The following BBS4 variants were observed in gnomAD, a reference collection of about 807,000 sequenced individuals.
BBS4 encodes the protein BBSome complex member BBS4.
BBS4 carries 58 observed loss-of-function variants against 71.4 expected under a neutral mutation model. The observed-to-expected ratio is 0.81, with a 90% CI of 0.66 to 1.01. The LOEUF (loss-of-function observed/expected upper bound fraction) is 1.01, where lower values mean the gene tolerates loss of function less well. BBS4 is among the 50% of genes least tolerant of loss of function. The pLI is 0.00. For synonymous variants in BBS4, 228 were observed against 216.8 expected, an observed-to-expected ratio of 1.05 and a Z score of -0.46; for missense variants, 660 against 607.9, an observed-to-expected ratio of 1.09 and a Z score of -0.90.
intron 4 of BBS4, 95 bp downstream of exon 4, chr15:72,712,402 A>G (rs747032542): frequency 5.2e-6 from 6 of 1,147,566 alleles, no homozygotes; most frequent in Non-Finnish European, 7.8e-6. Flanking sequence ...GTTCAAGTAC[A>G]GTCATGCACC....
At chr15:72,692,120 A>G (rs2064995327) in intron 1 of BBS4, among the ~76,000 whole-genome samples, 5 of 152,028 alleles carry the variant, frequency 3.3e-5, no homozygotes, top group Non-Finnish European at 5.9e-5. Context: ...CCTGAGCATT[A>G]TTATGTAGGT....
chr15:72,703,645 A>ATT (rs2065214735), intron 2 of BBS4, among the ~76,000 whole-genome samples: 1 of 152,206 alleles, frequency 6.6e-6, no homozygotes, highest in Non-Finnish European at 1.5e-5. Flanking sequence ...TAGGCCCCAT[A>ATT]GAAGGCTGGT....
At position 72,735,080 on chromosome 15, in the gene BBS4, A is replaced by T. The variant is rs192361223; in HGVS notation, c.1037-33A>T. 7.1e-5 allele frequency: 110 copies of T among 1,545,852 alleles called. No individual in the cohort carries two copies. The highest frequency in any genetic ancestry group is 3.5e-4 in the Middle Eastern group (2 of 5,758). On this transcript the variant is annotated intron_variant, in intron 12 of 15. Transcript: ENST00000268057. ...AATACTCCTTTTGTCTTCTAAGCTG[A>T]GCTCTCCAGCTGCAGTGCTTTCTTT...
At chr15:72,732,228 G>T (rs2065839188) in intron 12 of BBS4, among the ~76,000 whole-genome samples, 1 of 152,108 alleles carries the variant, frequency 6.6e-6, no homozygotes, top group Non-Finnish European at 1.5e-5. Context: ...TATCAATATT[G>T]TTGTTACTAT....
chr15:72,723,596 T>A (rs1296113956), intron 7 of BBS4, among the ~76,000 whole-genome samples: 1 of 152,226 alleles, frequency 6.6e-6, no homozygotes, highest in Non-Finnish European at 1.5e-5. Context: ...CAATGTTTAG[T>A]TTGTGTCAAT....
chr15:72,696,396 C>T (rs2065077132), intron 2 of BBS4, among the ~76,000 whole-genome samples: 2 of 151,982 alleles, frequency 1.3e-5, no homozygotes, highest in African/African-American at 2.4e-5. Flanking sequence ...TTTTTTAGTA[C>T]AAATTCTGAG....
intron 4 of BBS4, among the ~76,000 whole-genome samples, chr15:72,713,197 C>T (rs1567413472): frequency 6.6e-6 from 1 of 151,922 alleles, no homozygotes; most frequent in East Asian, 1.9e-4. Context: ...TACTTTTAAA[C>T]TTTTTTGTTA....
intron 2 of BBS4, among the ~76,000 whole-genome samples, chr15:72,697,699 T>C (rs1437530423): frequency 1.3e-5 from 2 of 152,198 alleles, no homozygotes; most frequent in Admixed American, 6.5e-5. Flanking sequence ...CAAGTAGCAA[T>C]TGGAGGCATT....
At chr15:72,735,044 G>A (rs762664304) in intron 12 of BBS4, 69 bp from the exon 13 acceptor site, 3 of 1,144,372 alleles carry the variant, frequency 2.6e-6, no homozygotes, top group Non-Finnish European at 4.0e-6. Flanking sequence ...TTTACTTTGG[G>A]GGTAGTCTTT....
Position 72,716,800 on chromosome 15 carries a change from G to A in BBS4, c.355G>A (p.Ala119Thr). The A allele has an allele frequency of 6.2e-7, 1 of 1,609,892 alleles. No homozygotes were observed. Among genetic ancestry groups the A allele is most frequent in the Non-Finnish European group, 8.5e-7 (1 of 1,178,170 alleles). Residue 119 changes from alanine (A) to threonine (T), a missense_variant, in exon 6 of 16, where the codon GCT becomes ACT. Transcript: ENST00000268057. ...CAGATTTCTTTTGGGAAAACATAAA[G>A]CTGCCATTGAAGTATATAATGAAGC... ...RSLFLLGKHK[A>T]AIEVYNEAAK...
chr15:72,722,771 T>C, intron 6 of BBS4, 23 bp from the exon 7 acceptor site: 1 of 1,612,074 alleles, frequency 6.2e-7, no homozygotes, highest in Non-Finnish European at 8.5e-7. Flanking sequence ...CTGAGTTGTT[T>C]TCCTTCTTTT....
At chr15:72,713,431 G>A (rs569137710) in intron 4 of BBS4, among the ~76,000 whole-genome samples, 18 of 152,000 alleles carry the variant, frequency 1.2e-4, no homozygotes, top group Admixed American at 3.3e-4. Context: ...CTTATGGAAG[G>A]TCTTCAGTGG....
At chr15:72,702,418 A>C (rs1425729912) in intron 2 of BBS4, among the ~76,000 whole-genome samples, 1 of 152,158 alleles carries the variant, frequency 6.6e-6, no homozygotes, top group African/African-American at 2.4e-5. Flanking sequence ...ATTCAGTGGA[A>C]TAATAAGAGA....
chr15:72,722,272 C>T (rs979209616), intron 6 of BBS4, among the ~76,000 whole-genome samples: 6 of 152,202 alleles, frequency 3.9e-5, no homozygotes, highest in Non-Finnish European at 8.8e-5. Context: ...CTCCAGGTGG[C>T]GCTGTCAGTC....
intron 6 of BBS4, among the ~76,000 whole-genome samples, chr15:72,717,860 GC>G (rs199870233): frequency 1.0e-4 from 1 of 10,044 alleles, no homozygotes; most frequent in Admixed American, 2.6e-3. Context: ...TGTGTGTGGT[GC>G]GGGGGGGTAC....
At chr15:72,725,659 T>C (rs915760146) in intron 8 of BBS4, among the ~76,000 whole-genome samples, 1 of 151,190 alleles carries the variant, frequency 6.6e-6, no homozygotes, top group Admixed American at 6.6e-5. Flanking sequence ...AGTATCTTTT[T>C]TCCCCCTTCC....
At chr15:72,718,939 G>C (rs2065514981) in intron 6 of BBS4, among the ~76,000 whole-genome samples, 1 of 152,196 alleles carries the variant, frequency 6.6e-6, no homozygotes, top group Non-Finnish European at 1.5e-5. Context: ...TGAAACTCAA[G>C]TGTTTTGGAG....
intron 2 of BBS4, among the ~76,000 whole-genome samples, chr15:72,702,891 T>A (rs2065197856): frequency 7.3e-6 from 1 of 137,846 alleles, no homozygotes; most frequent in Non-Finnish European, 1.5e-5. Context: ...CACTGCAAGC[T>A]CCGCCTTCCG....
In BBS4 at chr15:72,731,462, G is replaced by A; in HGVS notation, c.864+5G>A. 1.9e-6 allele frequency: 3 copies of A among 1,614,176 alleles called. No homozygotes were observed. The highest frequency in any genetic ancestry group is 2.2e-5 in the East Asian group (1 of 44,874). On this transcript the variant is annotated splice_donor_5th_base_variant and intron_variant, in intron 11 of 15. Transcript: ENST00000268057. ...GGCAAGAAGAAATATGTGGCGGTGA[G>A]TGTCCCCTCATGTTCTTTGTTTGTA...
Sources: allele counts gnomAD v4.1 joint callset (sites outside exome capture counted in the v4.1 genomes callset), GRCh38; gene constraint gnomAD v4.1.1; transcripts MANE v1.5; gene names NCBI Gene and HGNC (gene_info 2026-07-23, HGNC 2026-07-21).